Variants in EML1 observed in about 807,000 individuals in gnomAD.
EML1 encodes EMAP like 1.
Under a neutral mutation model 110.4 loss-of-function variants are expected in EML1, and 27 were observed. That is an observed-to-expected ratio of 0.24 (90% CI 0.18 to 0.34). The LOEUF is 0.34. Ranked by LOEUF, EML1 falls within the 10% of genes least tolerant of loss-of-function variation. The pLI is 1.00. For synonymous variants in EML1, 344 were observed against 385.8 expected (o/e 0.89, Z 1.27); for missense variants, 741 against 1,030.9 (o/e 0.72, Z 3.85).
Position 99,914,304 on chromosome 14 carries a change from G to A in EML1, c.1620G>A (p.Gln540=). The change falls in exon 14 of 22, where the codon CAG becomes CAA. Residue 540 remains glutamine, a splice_region_variant and synonymous_variant. Transcript: ENST00000262233. Reference sequence around the variant, plus strand: ...CAGGGGACTTCACACCCATTACTCAGGTACGATCCCACTCAGCAGGCCCGG... The same window carrying A: ...CAGGGGACTTCACACCCATTACTCAAGTACGATCCCACTCAGCAGGCCCGG... The part of the protein sequence containing the change: ...TLSGDFTPIT[Q]GHTDELWGLA... 1 of 1,606,592 alleles carries A rather than the reference G, an allele frequency of 6.2e-7. No homozygotes were observed. The highest frequency in any genetic ancestry group is 8.5e-7 in the Non-Finnish European group (1 of 1,174,114).
In EML1 at chr14:99,827,998, T is replaced by C. The variant is rs1181279216; in HGVS notation, c.68-22855T>C. On this transcript the variant is annotated intron_variant, in intron 1 of 21. Coordinates refer to ENST00000262233, the MANE Select transcript of EML1 (RefSeq NM_004434.3). The surrounding 1 kb of genome is among the most constrained non-coding windows in gnomAD (Gnocchi z 4.4). ...GAGGGAATTGAAGATTTCGGTGTGCTTGCAGTCTAGGTCTTGATCTCAGGT... is the reference window on the plus strand; with the variant it reads ...GAGGGAATTGAAGATTTCGGTGTGCCTGCAGTCTAGGTCTTGATCTCAGGT... 6.6e-6 allele frequency among the ~76,000 whole-genome samples: 1 copy of C among 152,182 alleles called. No individual in the cohort carries two copies. The highest frequency in any genetic ancestry group is 2.4e-5 in the African/African-American group (1 of 41,434).
intron 1 of EML1, among the ~76,000 whole-genome samples, chr14:99,799,626 G>T (rs2057837693): frequency 6.6e-6 from 1 of 152,184 alleles, no homozygotes; most frequent in African/African-American, 2.4e-5. Flanking sequence ...GGAACTTATA[G>T]CCAAACCACA....
At chr14:99,772,645 G>A (rs1207562618), upstream of EML1, among the ~76,000 whole-genome samples, 1 of 152,216 alleles carries the variant, frequency 6.6e-6, no homozygotes, top group Non-Finnish European at 1.5e-5. Flanking sequence ...TTGTCTGCAG[G>A]AGGTTTTTAG....
In EML1 at chr14:99,903,179, T is replaced by A. The variant is rs2059788623; in HGVS notation, c.1008+2140T>A. On this transcript the variant is annotated intron_variant, in intron 9 of 21. Coordinates refer to ENST00000262233, the MANE Select transcript of EML1 (RefSeq NM_004434.3). ...TAAATAGCTCAAAAGAAAAGTTTTC[T>A]TGTCTTTGAAAAAAGCAAAGGATCA... Among the ~76,000 whole-genome samples, 6 of 152,238 alleles carry A rather than the reference T, an allele frequency of 3.9e-5. No individual in the cohort carries two copies. In the South Asian group the frequency reaches 8.3e-4, roughly 21 times the overall value.
intron 1 of EML1, among the ~76,000 whole-genome samples, chr14:99,842,910 T>G (rs754591667): frequency 6.6e-6 from 1 of 152,138 alleles, no homozygotes; most frequent in Non-Finnish European, 1.5e-5. Flanking sequence ...GTGTGTGCCT[T>G]CTCTAGAAGC....
chr14:99,765,536 G>T (rs2057359298), intron 1 of EML1, among the ~76,000 whole-genome samples: 1 of 152,042 alleles, frequency 6.6e-6, no homozygotes, highest in African/African-American at 2.4e-5. Context: ...GTTCCTCCGT[G>T]TTGTAACGTG....
At chr14:99,877,895 C>A (rs968666071) in intron 3 of EML1, among the ~76,000 whole-genome samples, 5 of 152,128 alleles carry the variant, frequency 3.3e-5, no homozygotes, top group African/African-American at 4.8e-5. Context: ...CCAGACATTG[C>A]CAGATGTCTT....
At chr14:99,915,572 T>A (rs1389120874) in intron 15 of EML1, among the ~76,000 whole-genome samples, 1 of 152,096 alleles carries the variant, frequency 6.6e-6, no homozygotes, top group East Asian at 1.9e-4. Context: ...TTAATCCCTG[T>A]AGCAGCTCTG....
Position 99,897,231 on chromosome 14 carries a change from T to C in EML1, c.764T>C (p.Val255Ala). The C allele has an allele frequency of 6.2e-7, 1 of 1,613,326 alleles. No homozygotes were observed. Among genetic ancestry groups the C allele is most frequent in the South Asian group, 1.1e-5 (1 of 90,894 alleles). ...GTCTACTTCATCGCATCCGTGGTGG[T>C]GTTATACAACGTGGAGGAGCAACTG... ...ETVYFIASVVVLYNVEEQLQR... is the reference protein window; with the variant it reads ...ETVYFIASVVALYNVEEQLQR... Residue 255 changes from valine to alanine, a missense_variant, in exon 7 of 22, where the codon GTG becomes GCG. By Grantham distance (64) the Val-to-Ala change is moderately conservative. Transcript: ENST00000262233.
In EML1 at chr14:99,814,331, C is replaced by T. The variant is rs2058131301; in HGVS notation, c.67+20788C>T. On this transcript the variant is annotated intron_variant, in intron 1 of 21. Coordinates refer to ENST00000262233, the MANE Select transcript of EML1 (RefSeq NM_004434.3). ...TGTCACTCAGGCTGGAGTGCAGTTT[C>T]TTGGCATGATCCTGGCTCACTATAA... Among the ~76,000 whole-genome samples, 2 of 152,154 alleles carry T rather than the reference C, an allele frequency of 1.3e-5. 1 individual carries two copies. Among genetic ancestry groups the T allele is most frequent in the South Asian group, 4.1e-4 (2 of 4,826 alleles).
intron 1 of EML1, among the ~76,000 whole-genome samples, chr14:99,807,719 C>T (rs538226382): frequency 6.6e-5 from 10 of 152,298 alleles, no homozygotes; most frequent in Admixed American, 2.6e-4. Flanking sequence ...ATGCAGCCCA[C>T]GCAGGGGAGA....
chr14:99,838,879 AAG>A (rs1315073556), intron 1 of EML1, among the ~76,000 whole-genome samples: 2 of 123,604 alleles, frequency 1.6e-5, no homozygotes, highest in African/African-American at 1.0e-4. Context: ...TGACAGAAAC[AAG>A]AGCATTTCTG....
intron 1 of EML1, among the ~76,000 whole-genome samples, chr14:99,826,259 T>A (rs2058354094): frequency 6.6e-6 from 1 of 151,956 alleles, no homozygotes; most frequent in Non-Finnish European, 1.5e-5. Flanking sequence ...ATTACAGGCA[T>A]GTGCCACCAC....
chr14:99,748,702 A>G lies in EML1; in HGVS notation c.28+10842A>G, dbSNP rs150892534. ...AAAATAAATAAATCACACATTTAAA[A>G]GTATATATCCAGTGGTTGTTAGTAT... On this transcript the variant is annotated intron_variant, in intron 1 of 10. Coordinates refer to the EML1 transcript ENST00000554479. 2.4e-3 allele frequency among the ~76,000 whole-genome samples: 370 copies of G among 152,368 alleles called. 3 individuals are homozygous for G. Among genetic ancestry groups the G allele is most frequent in the South Asian group, 0.024 (114 of 4,828 alleles).
chr14:99,936,410 A>G lies in EML1; in HGVS notation c.2095+76A>G, dbSNP rs1421501538. The G allele has an allele frequency of 1.3e-5, 18 of 1,339,360 alleles. No individual in the cohort carries two copies. Among genetic ancestry groups the G allele is most frequent in the Admixed American group, 1.8e-5 (1 of 55,100 alleles). The allele number at this position is 1,339,360 out of a possible 1,614,324, so 83.0% of individuals were successfully genotyped here. A position where few individuals can be genotyped will look rare whatever the true frequency, so the allele number is the denominator to read the frequency against. ...CTCTGAGATCCAGGGGGCCTCTGTG[A>G]GAACCCACCTCCTGTATGACTTAGG... On this transcript the variant is annotated intron_variant, in intron 19 of 21. Transcript: ENST00000262233. This position sits in a 1 kb window ranked among gnomAD's most constrained non-coding sequence, Gnocchi z 5.5.
At chr14:99,809,514 G>A (rs1046844545) in intron 1 of EML1, 6 of 389,668 alleles carry the variant, frequency 1.5e-5, no homozygotes, top group Non-Finnish European at 2.6e-5. Flanking sequence ...TTGGACAGGC[G>A]CCCTGGTCGG....
intron 3 of EML1, among the ~76,000 whole-genome samples, chr14:99,877,884 G>A (rs894050051): frequency 5.9e-5 from 9 of 152,024 alleles, no homozygotes; most frequent in African/African-American, 2.2e-4. Context: ...GAAGGATGTC[G>A]CCAGACATTG....
chr14:99,895,984 T>TG (rs2140002384), intron 6 of EML1, among the ~76,000 whole-genome samples: 1 of 152,240 alleles, frequency 6.6e-6, no homozygotes, highest in South Asian at 2.1e-4. Context: ...ACAGAGGTGC[T>TG]GGTAGCTTCA....
At chr14:99,799,830 T>C (rs1391809200) in intron 1 of EML1, among the ~76,000 whole-genome samples, 1 of 152,228 alleles carries the variant, frequency 6.6e-6, no homozygotes, top group Non-Finnish European at 1.5e-5. Context: ...TTGTTTCTAG[T>C]GTTACAGCTT....
Sources: gnomAD v4.1 joint callset for allele counts (sites outside exome capture counted in the v4.1 genomes callset) on GRCh38, gnomAD v4.1.1 for gene constraint, Gnocchi (gnomAD v3.1) non-coding constraint, MANE v1.5 for transcripts, NCBI Gene and HGNC (gene_info 2026-07-23, HGNC 2026-07-21) for gene names.